Variants in AMBRA1 observed in about 807,000 individuals in gnomAD.
AMBRA1 encodes autophagy and beclin 1 regulator 1.
In AMBRA1, 47 loss-of-function variants were observed where a neutral mutation model predicts 125.4. The ratio of observed to expected loss-of-function variants is 0.37; its 90% CI spans 0.30 to 0.48. The LOEUF is 0.48. Among genes scored for constraint, AMBRA1 ranks in the 20% least tolerant of loss-of-function variants. AMBRA1 has a pLI of 0.99. For synonymous variants in AMBRA1, 626 were observed against 655.5 expected (o/e 0.95, Z 0.69); for missense variants, 1,331 against 1,693.4 (o/e 0.79, Z 3.76).
chr11:46,500,656 T>C (rs1448619542), intron 9 of AMBRA1, among the ~76,000 whole-genome samples: 3 of 152,182 alleles, frequency 2.0e-5, no homozygotes, highest in African/African-American at 7.2e-5. Flanking sequence ...TAGCCACAGA[T>C]CTATTCAGGG....
chr11:46,454,808 C>T (rs965301353), intron 11 of AMBRA1, among the ~76,000 whole-genome samples: 19 of 150,158 alleles, frequency 1.3e-4, no homozygotes, highest in African/African-American at 3.4e-4. Context: ...TCATTAAAGA[C>T]ACAGCAGTAG....
intron 1 of AMBRA1, among the ~76,000 whole-genome samples, chr11:46,581,852 T>C (rs971999115): frequency 3.4e-5 from 5 of 149,224 alleles, no homozygotes; most frequent in African/African-American, 1.2e-4. Flanking sequence ...TGGTAGTTCA[T>C]GCCTGTAATT....
chr11:46,564,136 C>A (rs2043434501), intron 1 of AMBRA1, among the ~76,000 whole-genome samples: 2 of 136,394 alleles, frequency 1.5e-5, no homozygotes. Context: ...AAGAGCAAAA[C>A]TCCGTCTCAA....
chr11:46,407,467 C>T (rs985792598), intron 17 of AMBRA1, among the ~76,000 whole-genome samples: 3 of 152,180 alleles, frequency 2.0e-5, no homozygotes, highest in African/African-American at 7.2e-5. Flanking sequence ...CTGAAGATGG[C>T]AGAAGGAGCC....
chr11:46,455,707 A>G (rs1481102343), intron 11 of AMBRA1, among the ~76,000 whole-genome samples: 1 of 152,236 alleles, frequency 6.6e-6, no homozygotes, highest in Non-Finnish European at 1.5e-5. Context: ...TTGCTCCCTA[A>G]TTCAGTAATA....
chr11:46,578,882 CAAAAAAAAAAAAAAA>C (rs71042607), intron 1 of AMBRA1, among the ~76,000 whole-genome samples: 1 of 24,454 alleles, frequency 4.1e-5, no homozygotes, highest in Non-Finnish European at 6.4e-5. Context: ...GACTCAGTCT[CAAAAAAAAAAAAAAA>C]AAAAAAAAAA....
chr11:46,412,061 C>G (rs900736569), intron 15 of AMBRA1, among the ~76,000 whole-genome samples: 1 of 152,182 alleles, frequency 6.6e-6, no homozygotes, highest in Non-Finnish European at 1.5e-5. Context: ...TCTCCCAGCT[C>G]CTTTTAAGGG....
intron 7 of AMBRA1, among the ~76,000 whole-genome samples, chr11:46,517,586 G>A (rs1392311492): frequency 6.0e-5 from 8 of 133,854 alleles, no homozygotes; most frequent in Non-Finnish European, 1.2e-4. Flanking sequence ...TGTAATCCCA[G>A]CACTTTGGGA....
At chr11:46,507,176 C>CA (rs59385965) in intron 9 of AMBRA1, among the ~76,000 whole-genome samples, 8,278 of 31,164 alleles carry the variant, frequency 0.27, 1,721 homozygotes, top group African/African-American at 0.52. Flanking sequence ...GACTCCGTCT[C>CA]AAAAAAAAAA....
At chr11:46,544,722 G>C (rs1952917827) in intron 5 of AMBRA1, among the ~76,000 whole-genome samples, 1 of 152,096 alleles carries the variant, frequency 6.6e-6, no homozygotes, top group South Asian at 2.1e-4. Flanking sequence ...CTAAAAGAGA[G>C]TCTAATGACC....
At chr11:46,453,149 G>C (rs562916662) in intron 11 of AMBRA1, among the ~76,000 whole-genome samples, 1 of 152,040 alleles carries the variant, frequency 6.6e-6, no homozygotes, top group Non-Finnish European at 1.5e-5. Flanking sequence ...GCTTCTCCTG[G>C]ACATTTCATG....
At chr11:46,550,682 T>C (rs894471673) in intron 1 of AMBRA1, among the ~76,000 whole-genome samples, 1 of 152,156 alleles carries the variant, frequency 6.6e-6, no homozygotes, top group Non-Finnish European at 1.5e-5. Flanking sequence ...GAGTAGTTAC[T>C]ACTTCTGTCT....
intron 9 of AMBRA1, among the ~76,000 whole-genome samples, chr11:46,496,835 G>GGT (rs1347053861): frequency 6.6e-6 from 1 of 151,812 alleles, no homozygotes; most frequent in African/African-American, 2.4e-5. Flanking sequence ...AAGGGGGCTG[G>GGT]GTGTGGTGCC....
chr11:46,454,249 A>C (rs1358671568), intron 11 of AMBRA1, among the ~76,000 whole-genome samples: 6 of 151,708 alleles, frequency 4.0e-5, no homozygotes, highest in Non-Finnish European at 7.4e-5. Context: ...AGCTGATCTC[A>C]AACTCCTGGG....
At chr11:46,458,509 C>T (rs1189659469) in intron 11 of AMBRA1, among the ~76,000 whole-genome samples, 1 of 152,224 alleles carries the variant, frequency 6.6e-6, no homozygotes, top group Non-Finnish European at 1.5e-5. Context: ...CATCGATTTT[C>T]CATTGGTACT....
intron 1 of AMBRA1, among the ~76,000 whole-genome samples, chr11:46,560,620 G>A (rs2135236929): frequency 6.6e-6 from 1 of 152,246 alleles, no homozygotes; most frequent in East Asian, 1.9e-4. Flanking sequence ...AAATTATTCT[G>A]GAGAAAACAG....
chr11:46,442,925 T>G (rs1948091245), intron 12 of AMBRA1, among the ~76,000 whole-genome samples: 1 of 152,230 alleles, frequency 6.6e-6, no homozygotes, highest in Non-Finnish European at 1.5e-5. Flanking sequence ...TTTTACCATG[T>G]TGGCCAGGCT....
At chr11:46,421,316 G>A (rs765505923) in intron 14 of AMBRA1, among the ~76,000 whole-genome samples, 12 of 152,216 alleles carry the variant, frequency 7.9e-5, no homozygotes, top group African/African-American at 1.4e-4. Flanking sequence ...AAACAGTGCC[G>A]AAAGGGCAGT....
intron 1 of AMBRA1, among the ~76,000 whole-genome samples, chr11:46,572,287 G>A (rs933095222): frequency 2.0e-4 from 31 of 152,050 alleles, no homozygotes; most frequent in East Asian, 1.2e-3. Context: ...GTGATAGAGC[G>A]AGATTCCATC....
Sources: gnomAD v4.1 joint callset for allele counts (sites outside exome capture counted in the v4.1 genomes callset) on GRCh38, gnomAD v4.1.1 for gene constraint, MANE v1.5 for transcripts, NCBI Gene and HGNC (gene_info 2026-07-23, HGNC 2026-07-21) for gene names.